Variants in CBLB observed in about 807,000 individuals in gnomAD.
CBLB encodes Cbl proto-oncogene B.
A neutral mutation model predicts 104.9 loss-of-function variants in CBLB; 31 were observed. The observed-to-expected ratio is 0.30, with a 90% confidence interval of 0.22 to 0.40. The LOEUF (loss-of-function observed/expected upper bound fraction) is 0.40, where lower values mean the gene tolerates loss of function less well. CBLB is among the 10% of genes least tolerant of loss of function. The pLI is 1.00. For missense variants in CBLB, 1,062 were observed against 1,214.6 expected (o/e 0.87, Z 1.87); for synonymous variants, 440 against 422.6 (o/e 1.04, Z -0.51).
At chr3:105,816,707 C>T (rs1223872557) in intron 3 of CBLB, among the ~76,000 whole-genome samples, 1 of 152,070 alleles carries the variant, frequency 6.6e-6, no homozygotes, top group Admixed American at 6.6e-5. Context: ...TTTTTAAAAA[C>T]AAAGTCTCTA....
intron 3 of CBLB, among the ~76,000 whole-genome samples, chr3:105,791,948 T>C (rs2081696579): frequency 6.6e-6 from 1 of 152,232 alleles, no homozygotes; most frequent in Non-Finnish European, 1.5e-5. Context: ...AGCATTTTCA[T>C]ATTTAAGTGT....
At chr3:105,707,866 A>G (rs529277908) in intron 10 of CBLB, among the ~76,000 whole-genome samples, 14 of 151,026 alleles carry the variant, frequency 9.3e-5, no homozygotes, top group Admixed American at 2.7e-4. Context: ...AAAATAAAAA[A>G]AAACAAAGTA....
chr3:105,747,701 C>A (rs771407370), intron 5 of CBLB, among the ~76,000 whole-genome samples: 5 of 151,922 alleles, frequency 3.3e-5, no homozygotes, highest in Non-Finnish European at 7.4e-5. Flanking sequence ...TATTCTAGAC[C>A]CTAGTTTTTG....
intron 14 of CBLB, among the ~76,000 whole-genome samples, chr3:105,683,569 A>G (rs1472826139): frequency 6.6e-6 from 1 of 152,178 alleles, no homozygotes; most frequent in Non-Finnish European, 1.5e-5. Flanking sequence ...GAAAAAAAAT[A>G]AGACTCCCAA....
At chr3:105,778,741 C>T (rs2079786527) in intron 3 of CBLB, among the ~76,000 whole-genome samples, 2 of 152,120 alleles carry the variant, frequency 1.3e-5, no homozygotes, top group Admixed American at 1.3e-4. Context: ...TTTTGCACAA[C>T]TCATCCTAAT....
At chr3:105,792,309 C>A (rs1021778565) in intron 3 of CBLB, among the ~76,000 whole-genome samples, 2 of 152,204 alleles carry the variant, frequency 1.3e-5, no homozygotes, top group Non-Finnish European at 2.9e-5. Flanking sequence ...CAATTCCTCT[C>A]TGTTGTCCCA....
chr3:105,721,454 C>T (rs557814835), intron 9 of CBLB, among the ~76,000 whole-genome samples: 2 of 152,260 alleles, frequency 1.3e-5, no homozygotes, highest in East Asian at 3.9e-4. Flanking sequence ...GTCAGCTCAA[C>T]AAATTGAACA....
intron 9 of CBLB, among the ~76,000 whole-genome samples, chr3:105,726,319 T>G (rs1251566047): frequency 6.6e-6 from 1 of 152,246 alleles, no homozygotes; most frequent in Non-Finnish European, 1.5e-5. Flanking sequence ...TGTAAATTAC[T>G]ATTTTGAATA....
At chr3:105,742,980 T>G (rs147609371) in intron 6 of CBLB, among the ~76,000 whole-genome samples, 11 of 152,282 alleles carry the variant, frequency 7.2e-5, no homozygotes, top group African/African-American at 2.4e-4. Context: ...ATATAAGAGA[T>G]AGTAATACCA....
chr3:105,702,701 C>T (rs911809062), intron 11 of CBLB, among the ~76,000 whole-genome samples: 2 of 151,666 alleles, frequency 1.3e-5, no homozygotes, highest in African/African-American at 4.9e-5. Context: ...GTACATAAAT[C>T]CAAATGTTAA....
At chr3:105,734,380 T>C (rs1030484798) in intron 8 of CBLB, among the ~76,000 whole-genome samples, 1 of 152,208 alleles carries the variant, frequency 6.6e-6, no homozygotes, top group East Asian at 1.9e-4. Flanking sequence ...ATTCATATTA[T>C]TTAAGGTTCC....
At position 105,720,338 on chromosome 3, in the gene CBLB, A is replaced by G. The variant is rs56165671; in HGVS notation, c.1204-88T>C. On this transcript the variant is annotated intron_variant, in intron 9 of 18. Transcript: ENST00000394030. The stretch of plus-strand genomic sequence containing the variant: ...ATAATGTTCTACAACTATAAAAGTC[A>G]CACCCCCAAAAAGACTTTTTGGGGT... 1.6e-3 allele frequency: 2,141 copies of G among 1,306,480 alleles called. 7 individuals are homozygous for G. The highest frequency in any genetic ancestry group is 2.0e-3 in the South Asian group (154 of 78,870). The allele number at this position is 1,306,480 out of a possible 1,614,324, so 80.9% of individuals were successfully genotyped here. A position where few individuals can be genotyped will look rare whatever the true frequency, so the allele number is the denominator to read the frequency against.
chr3:105,842,991 A>G (rs1046560030), intron 3 of CBLB, among the ~76,000 whole-genome samples: 2 of 152,218 alleles, frequency 1.3e-5, no homozygotes, highest in Non-Finnish European at 2.9e-5. Flanking sequence ...TTGGCGAAGG[A>G]CCACCCAATG....
rs1473911256 is a variant in CBLB, at chr3:105,685,486, C to A, written c.2055-20G>T. 1.9e-6 allele frequency: 3 copies of A among 1,606,276 alleles called. No homozygotes were observed. The highest frequency in any genetic ancestry group is 3.3e-5 in the Admixed American group (2 of 59,742). On this transcript the variant is annotated intron_variant, in intron 13 of 18. Transcript: ENST00000394030. ...GTACACCTACCAGGGGAAAAAAAAT[C>A]CAATCTAGTTTAAGCATAATATTCA...
chr3:105,825,370 G>A (rs2086433721), intron 3 of CBLB, among the ~76,000 whole-genome samples: 1 of 152,114 alleles, frequency 6.6e-6, no homozygotes, highest in African/African-American at 2.4e-5. Context: ...AGGAGGACCT[G>A]GGATGGAAAG....
chr3:105,698,096 C>A (rs959374208), intron 12 of CBLB, among the ~76,000 whole-genome samples: 3 of 151,910 alleles, frequency 2.0e-5, no homozygotes, highest in Non-Finnish European at 4.4e-5. Flanking sequence ...GATAAATAAA[C>A]AATAACTCTT....
At chr3:105,759,360 G>A (rs777160365) in intron 4 of CBLB, among the ~76,000 whole-genome samples, 1 of 152,168 alleles carries the variant, frequency 6.6e-6, no homozygotes, top group South Asian at 2.1e-4. Context: ...GGAACTGACA[G>A]CCCGGCCCTG....
At chr3:105,833,399 G>T (rs931080543) in intron 3 of CBLB, among the ~76,000 whole-genome samples, 1 of 152,078 alleles carries the variant, frequency 6.6e-6, no homozygotes, top group Non-Finnish European at 1.5e-5. Context: ...AGACAGACAG[G>T]CTTATTAATT....
chr3:105,776,343 T>C (rs1434952544), intron 4 of CBLB, 53 bp downstream of exon 4: 3 of 1,503,922 alleles, frequency 2.0e-6, no homozygotes, highest in African/African-American at 1.4e-5. Context: ...GGAGGGAGGA[T>C]ACAGTAACCC....
Sources: allele counts gnomAD v4.1 joint callset (sites outside exome capture counted in the v4.1 genomes callset), GRCh38; gene constraint gnomAD v4.1.1; transcripts MANE v1.5; gene names NCBI Gene and HGNC (gene_info 2026-07-23, HGNC 2026-07-21).